Variants in NUDT9 observed in about 807,000 individuals in gnomAD.
NUDT9 encodes the protein nudix hydrolase 9.
NUDT9 carries 31 observed loss-of-function variants against 41.0 expected under a neutral mutation model. That is an observed-to-expected ratio of 0.76 (90% CI 0.57 to 1.02). The LOEUF (loss-of-function observed/expected upper bound fraction) is 1.02, where lower values mean the gene tolerates loss of function less well. Ranked by LOEUF, NUDT9 falls within the 50% of genes least tolerant of loss-of-function variation. The pLI, the probability that NUDT9 is intolerant of heterozygous loss-of-function variation, is 0.00. For missense variants in NUDT9, 380 were observed against 431.4 expected, an observed-to-expected ratio of 0.88 and a Z score of 1.06; for synonymous variants, 146 against 147.6, an observed-to-expected ratio of 0.99 and a Z score of 0.08.
chr4:87,440,586 G>C (rs7677249), intron 3 of NUDT9, among the ~76,000 whole-genome samples: 1 of 151,968 alleles, frequency 6.6e-6, no homozygotes, highest in Non-Finnish European at 1.5e-5. Flanking sequence ...GGTGGCTCAC[G>C]CCTGTAATCC....
intron 6 of NUDT9, among the ~76,000 whole-genome samples, chr4:87,454,109 C>T (rs113399518): frequency 4.6e-5 from 7 of 152,066 alleles, no homozygotes; most frequent in African/African-American, 9.6e-5. Context: ...GTGATCCACC[C>T]GCCTCAGCCT....
chr4:87,440,073 TCTC>T (rs1227344392), intron 3 of NUDT9, among the ~76,000 whole-genome samples: 1 of 152,214 alleles, frequency 6.6e-6, no homozygotes, highest in Non-Finnish European at 1.5e-5. Context: ...TAAGTCAAAT[TCTC>T]CTTGCATTTG....
chr4:87,448,079 G>C (rs1167912008), intron 4 of NUDT9, among the ~76,000 whole-genome samples: 2 of 149,324 alleles, frequency 1.3e-5, no homozygotes, highest in Non-Finnish European at 3.0e-5. Flanking sequence ...TTTGACACCA[G>C]CTAAACTGGG....
chr4:87,444,046 A>G (rs573844536), intron 4 of NUDT9, among the ~76,000 whole-genome samples: 5 of 152,298 alleles, frequency 3.3e-5, no homozygotes, highest in African/African-American at 1.2e-4. Flanking sequence ...CTCCACAGGA[A>G]TCATCTTTCT....
intron 4 of NUDT9, among the ~76,000 whole-genome samples, chr4:87,442,418 G>A (rs1353053950): frequency 6.6e-6 from 1 of 152,180 alleles, no homozygotes; most frequent in Non-Finnish European, 1.5e-5. Flanking sequence ...TCAGTGAGTG[G>A]TGAGTGAACA....
Position 87,451,668 on chromosome 4 carries a change from A to T in NUDT9, c.722A>T (p.Lys241Ile). The change falls in exon 6 of 8, where the codon AAA becomes ATA. Residue 241 changes from lysine (K) to isoleucine (I), a missense_variant. Physicochemically the swap from Lys to Ile is moderately radical, Grantham distance 102 (BLOSUM62 -3). Transcript: ENST00000302174. ...GAGGAAGCTCTCAACTCCTTACAGA[A>T]AACCAGTGCTGAGAAGAGAGAAATA... ...FGEEALNSLQ[K>I]TSAEKREIEE... 6.2e-7 allele frequency: 1 copy of T among 1,613,976 alleles called. No individual in the cohort carries two copies. The highest frequency in any genetic ancestry group is 8.5e-7 in the Non-Finnish European group (1 of 1,179,888).
chr4:87,454,159 G>A (rs1301881148), intron 6 of NUDT9, among the ~76,000 whole-genome samples: 2 of 151,936 alleles, frequency 1.3e-5, no homozygotes, highest in Non-Finnish European at 2.9e-5. Context: ...CACCGCGCCC[G>A]GCTATTTACA....
Position 87,448,034 on chromosome 4 carries a change from T to TA in NUDT9, c.531-1091dup, listed in dbSNP as rs200685072. Among the ~76,000 whole-genome samples, 566 of 134,482 alleles carry TA rather than the reference T, an allele frequency of 4.2e-3. 1 individual carries two copies. The highest frequency in any genetic ancestry group is 6.8e-3 in the South Asian group (28 of 4,142). The allele number at this position is 134,482 out of a possible 152,430, so 88.2% of individuals were successfully genotyped here. On this transcript the variant is annotated intron_variant, in intron 4 of 7. Transcript: ENST00000302174. ...GTGACAGAGCAAGACCCTGTCTTTT[T>TA]AAAAAAAAAAAAAAAAAGATTGAGA...
chr4:87,436,860 A>G (rs1721959908), intron 2 of NUDT9, among the ~76,000 whole-genome samples: 1 of 152,344 alleles, frequency 6.6e-6, no homozygotes. Context: ...CCCATGAACT[A>G]TCCAGTGCTA....
In NUDT9 at chr4:87,422,633, T is replaced by C. The variant is rs1162718292; in HGVS notation, c.-273T>C. Reference sequence around the variant, plus strand: ...AAGTTACGAGGTTCGTGGCCGCGGTTTCCCCAGGCAGCTGGCGCTGGAGGC... The same window carrying C: ...AAGTTACGAGGTTCGTGGCCGCGGTCTCCCCAGGCAGCTGGCGCTGGAGGC... On this transcript the variant is annotated 5_prime_UTR_variant, in exon 1 of 8. Transcript: ENST00000302174. 5.9e-6 allele frequency: 2 copies of C among 339,056 alleles called. No homozygotes were observed. The highest frequency in any genetic ancestry group is 5.3e-6 in the Non-Finnish European group (1 of 188,524). The allele number at this position is 339,056 out of a possible 1,614,324, so 21.0% of individuals were successfully genotyped here. A position where few individuals can be genotyped will look rare whatever the true frequency, so the allele number is the denominator to read the frequency against.
chr4:87,457,810 T>G (rs1723052903), intron 7 of NUDT9, 33 bp from the exon 8 acceptor site: 1 of 1,594,898 alleles, frequency 6.3e-7, no homozygotes, highest in African/African-American at 1.4e-5. Flanking sequence ...AGAAATGAGT[T>G]TTTCTTGGTG....
chr4:87,454,299 G>A (rs1246500015), intron 6 of NUDT9, 72 bp from the exon 7 acceptor site: 5 of 793,772 alleles, frequency 6.3e-6, no homozygotes, highest in Admixed American at 5.4e-5. Context: ...TCTGATGCTA[G>A]TGAAGGTAAC....
Position 87,457,964 on chromosome 4 carries a change from T to C in NUDT9, c.996T>C (p.Ala332=), listed in dbSNP as rs1723061045. The C allele has an allele frequency of 6.3e-7, 1 of 1,595,364 alleles. No homozygotes were observed. Among genetic ancestry groups the C allele is most frequent in the African/African-American group, 1.4e-5 (1 of 73,300 alleles). The change falls in exon 8 of 8, where the codon GCT becomes GCC. Residue 332 remains alanine, a synonymous_variant. Transcript: ENST00000302174. The stretch of plus-strand genomic sequence containing the variant: ...ACTCTCAATTCATCAAACTTGTGGC[T>C]GAGAAACGAGATGCACACTGGAGCG... The part of the protein sequence containing the change: ...ASHSQFIKLV[A]EKRDAHWSED...
rs753146172 is a variant in NUDT9 at position 87,422,917 on chromosome 4, C to T, written c.12C>T (p.Arg4=). The change falls in exon 1 of 8, where the codon CGC becomes CGT. Residue 4 remains arginine, a synonymous_variant. Coordinates refer to ENST00000302174, the MANE Select transcript of NUDT9 (RefSeq NM_024047.5). ...CCCTCGGGGCGCTCATGGCGGGACG[C>T]CTCCTGGGAAAGGCTTTAGCCGCGG... MAG[R]LLGKALAAVS... The T allele has an allele frequency of 2.5e-6, 4 of 1,610,488 alleles. No homozygotes were observed. The East Asian group carries it at 6.7e-5, about 27-fold the overall frequency.
At chr4:87,427,122 AAAAAAAAAAAAAAGTT>A (rs1422465042) in intron 1 of NUDT9, among the ~76,000 whole-genome samples, 16 of 146,570 alleles carry the variant, frequency 1.1e-4, no homozygotes, top group Admixed American at 9.3e-4. Flanking sequence ...CTTGTCTCAA[AAAAAAAAAAAAAAGTT>A]AAAAAAAAAA....
intron 7 of NUDT9, among the ~76,000 whole-genome samples, chr4:87,455,985 C>G (rs1043279994): frequency 6.6e-6 from 1 of 151,988 alleles, no homozygotes; most frequent in East Asian, 1.9e-4. Flanking sequence ...GAAAATTGAC[C>G]ATGATATAAC....
Position 87,445,953 on chromosome 4 carries a change from T to C in NUDT9, c.531-3189T>C, listed in dbSNP as rs1722430155. Among the ~76,000 whole-genome samples, 3 of 150,904 alleles carry C rather than the reference T, an allele frequency of 2.0e-5. No homozygotes were observed. The East Asian group carries it at 5.9e-4, about 30-fold the overall frequency. ...TCTCTCTTTTTTTTTTTTTTTGAGA[T>C]GGGTCTTGCTATGTTACCCTGGCTG... On this transcript the variant is annotated intron_variant, in intron 4 of 7. Transcript: ENST00000302174.
At chr4:87,439,377 C>T (rs1722097345) in intron 3 of NUDT9, among the ~76,000 whole-genome samples, 1 of 151,942 alleles carries the variant, frequency 6.6e-6, no homozygotes, top group Non-Finnish European at 1.5e-5. Flanking sequence ...TCAGATTGGC[C>T]AGGCACAGTG....
At chr4:87,447,912 G>A (rs1280257630) in intron 4 of NUDT9, among the ~76,000 whole-genome samples, 1 of 151,616 alleles carries the variant, frequency 6.6e-6, no homozygotes, top group African/African-American at 2.4e-5. Flanking sequence ...CACGCCTGTA[G>A]TCCTAGCTAC....
Sources: allele counts gnomAD v4.1 joint callset (sites outside exome capture counted in the v4.1 genomes callset), GRCh38; gene constraint gnomAD v4.1.1; transcripts MANE v1.5; gene names NCBI Gene and HGNC (gene_info 2026-07-23, HGNC 2026-07-21).